Variants in FRYL observed in about 807,000 individuals in gnomAD.
The protein encoded by FRYL is protein furry homolog-like.
FRYL carries 150 observed loss-of-function variants against 351.2 expected under a neutral mutation model. The observed-to-expected ratio is 0.43, with a 90% CI of 0.37 to 0.49. The LOEUF (loss-of-function observed/expected upper bound fraction) is 0.49. Among genes scored for constraint, FRYL ranks in the 20% least tolerant of loss-of-function variants. The pLI, the probability that FRYL is intolerant of heterozygous loss-of-function variation, is 0.00. For missense variants in FRYL, 3,036 were observed against 3,619.3 expected (o/e 0.84, Z 4.13); for synonymous variants, 1,153 against 1,257.1 (o/e 0.92, Z 1.75).
At chr4:48,563,368 C>T (rs776688015) in intron 31 of FRYL, among the ~76,000 whole-genome samples, 34 of 151,784 alleles carry the variant, frequency 2.2e-4, no homozygotes, top group Non-Finnish European at 2.1e-4. Flanking sequence ...GGGTTAGACA[C>T]GGCTGCATTT....
rs1183474064 is a variant in FRYL, at chr4:48,590,658, C to A, written c.1507+1G>T. Reference sequence around the variant, plus strand: ...CAACATTTAATTTCAATTAAACTAACCTATGACTTTTGCTTCTTCATCTGT... The same window carrying A: ...CAACATTTAATTTCAATTAAACTAAACTATGACTTTTGCTTCTTCATCTGT... On this transcript the variant is annotated splice_donor_variant, in intron 17 of 63. Coordinates refer to ENST00000358350, the MANE Select transcript of FRYL (RefSeq NM_015030.2). LOFTEE classifies it high-confidence loss of function. 6.3e-7 allele frequency: 1 copy of A among 1,590,200 alleles called. No homozygotes were observed. Among genetic ancestry groups the A allele is most frequent in the Non-Finnish European group, 8.6e-7 (1 of 1,162,222 alleles).
At chr4:48,550,325 C>T (rs575962532) in intron 38 of FRYL, among the ~76,000 whole-genome samples, 1 of 152,240 alleles carries the variant, frequency 6.6e-6, no homozygotes, top group South Asian at 2.1e-4. Context: ...AGCCTGTTTC[C>T]AGTATTTGTT....
At chr4:48,656,132 C>T (rs1251480509) in intron 3 of FRYL, among the ~76,000 whole-genome samples, 10 of 130,432 alleles carry the variant, frequency 7.7e-5, no homozygotes, top group African/African-American at 2.0e-4. Flanking sequence ...ATAATATATA[C>T]AATATATACA....
chr4:48,548,931 C>G, intron 39 of FRYL, 138 bp from the exon 40 acceptor site: 1 of 580,240 alleles, frequency 1.7e-6, no homozygotes, highest in Non-Finnish European at 3.1e-6. Flanking sequence ...GGAGGAAAAA[C>G]AAATACAGCT....
intron 1 of FRYL, among the ~76,000 whole-genome samples, chr4:48,774,031 T>G (rs527999460): frequency 6.6e-6 from 1 of 152,216 alleles, no homozygotes; most frequent in African/African-American, 2.4e-5. Flanking sequence ...AGGGATCAAG[T>G]TACGCAGGAA....
At chr4:48,609,639 A>C in intron 8 of FRYL, 105 bp downstream of exon 8, 1 of 522,572 alleles carries the variant, frequency 1.9e-6, no homozygotes, top group East Asian at 3.4e-5. Flanking sequence ...AAAAAGGAAG[A>C]TAAGAATTGC....
intron 7 of FRYL, among the ~76,000 whole-genome samples, chr4:48,613,565 C>A (rs1207569968): frequency 2.6e-5 from 4 of 152,192 alleles, no homozygotes; most frequent in Admixed American, 1.3e-4. Context: ...TTACAAGACA[C>A]AGGTATACCT....
chr4:48,605,054 C>A (rs1353321280), intron 11 of FRYL, among the ~76,000 whole-genome samples: 1 of 152,176 alleles, frequency 6.6e-6, no homozygotes, highest in Admixed American at 6.5e-5. Context: ...ATGACTTATA[C>A]ATGATAGCCT....
intron 19 of FRYL, 80 bp downstream of exon 19, chr4:48,586,541 A>G (rs1390703074): frequency 1.3e-5 from 12 of 893,736 alleles, no homozygotes; most frequent in Non-Finnish European, 2.0e-5. Context: ...CTTTTTAGTG[A>G]TAACAGTAAC....
intron 2 of FRYL, among the ~76,000 whole-genome samples, chr4:48,689,009 A>G (rs1353032899): frequency 6.6e-6 from 1 of 152,156 alleles, no homozygotes; most frequent in Admixed American, 6.5e-5. Flanking sequence ...GTATGGAAAC[A>G]TACTACACTG....
At position 48,499,293 on chromosome 4, in the gene FRYL, G is replaced by A; in HGVS notation, c.*129C>T. 1.3e-6 allele frequency: 1 copy of A among 748,804 alleles called. No homozygotes were observed. Among genetic ancestry groups the A allele is most frequent in the East Asian group, 2.5e-5 (1 of 39,786 alleles). The allele number at this position is 748,804 out of a possible 1,614,324, so 46.4% of individuals were successfully genotyped here. ...ATCTTTGTTTTTGATGATACAGTTT[G>A]ACATTAGTTACACTAAAAAGTAGAT... On this transcript the variant is annotated 3_prime_UTR_variant, in exon 64 of 64. Transcript: ENST00000358350.
chr4:48,601,168 C>T (rs1456450972), intron 13 of FRYL, among the ~76,000 whole-genome samples: 6 of 152,136 alleles, frequency 3.9e-5, no homozygotes, highest in Admixed American at 2.6e-4. Flanking sequence ...CTATCTGCCT[C>T]GGTTCCATTA....
chr4:48,711,431 G>C (rs183495476), intron 1 of FRYL, among the ~76,000 whole-genome samples: 2 of 152,404 alleles, frequency 1.3e-5, no homozygotes, highest in East Asian at 3.9e-4. Flanking sequence ...ATGGCTCAGA[G>C]GGTCCTACGA....
Position 48,659,089 on chromosome 4 carries a change from G to A in FRYL, c.-80-24599C>T, listed in dbSNP as rs149144132. On this transcript the variant is annotated intron_variant, in intron 3 of 63. Transcript: ENST00000358350. ...GCAGGGGCCAGGTGCAGTGGCTCAC[G>A]CCTGTAATCCCAACACTTTGGGAAG... Among the ~76,000 whole-genome samples the A allele has an allele frequency of 1.0e-3, 159 of 152,094 alleles. 1 individual carries two copies. The highest frequency in any genetic ancestry group is 3.7e-3 in the African/African-American group (153 of 41,504).
At chr4:48,749,181 T>TGTGATCCACCA (rs1200425991) in intron 1 of FRYL, among the ~76,000 whole-genome samples, 2 of 152,180 alleles carry the variant, frequency 1.3e-5, no homozygotes, top group African/African-American at 4.8e-5. Flanking sequence ...GAGCAGGTAA[T>TGTGATCCACCA]GTGATCCACC....
chr4:48,681,747 G>C (rs1326482404), intron 3 of FRYL, among the ~76,000 whole-genome samples: 1 of 151,958 alleles, frequency 6.6e-6, no homozygotes, highest in Admixed American at 6.6e-5. Context: ...ACTTCAGCAT[G>C]AATAACCAAA....
intron 62 of FRYL, among the ~76,000 whole-genome samples, chr4:48,501,085 CAAAAAAAA>C (rs35171463): frequency 8.0e-5 from 6 of 75,332 alleles, no homozygotes; most frequent in Non-Finnish European, 1.0e-4. Context: ...GACTCTGCCT[CAAAAAAAA>C]AAAAAAAAAA....
At chr4:48,739,740 A>T (rs528667907) in intron 1 of FRYL, among the ~76,000 whole-genome samples, 8 of 152,290 alleles carry the variant, frequency 5.3e-5, no homozygotes, top group South Asian at 2.1e-4. Flanking sequence ...CCTCCTCCAA[A>T]ACTCATGTTG....
intron 3 of FRYL, among the ~76,000 whole-genome samples, chr4:48,643,726 T>A (rs1412752376): frequency 6.6e-6 from 1 of 152,072 alleles, no homozygotes; most frequent in African/African-American, 2.4e-5. Flanking sequence ...TAGAAAATGA[T>A]TTTAAAAGAC....
Sources: gnomAD v4.1 joint callset for allele counts (sites outside exome capture counted in the v4.1 genomes callset) on GRCh38, gnomAD v4.1.1 for gene constraint, MANE v1.5 for transcripts, NCBI Gene and HGNC (gene_info 2026-07-23, HGNC 2026-07-21) for gene names.